OPN3: variants seen among roughly 807,000 people sequenced by gnomAD.
The protein encoded by OPN3 is opsin-3.
A neutral mutation model predicts 33.8 loss-of-function variants in OPN3; 29 were observed. The ratio of observed to expected loss-of-function variants is 0.86; its 90% CI spans 0.64 to 1.17. The LOEUF is 1.17. Among genes scored for constraint, OPN3 ranks in the 50% most tolerant of loss-of-function variants. The probability of loss-of-function intolerance (pLI) is 0.00; values close to 1 mark genes in which losing one functional copy is unlikely to be tolerated. For synonymous variants in OPN3, 216 were observed against 216.1 expected, an observed-to-expected ratio of 1.00 and a Z score of 0.00; for missense variants, 437 against 514.1, an observed-to-expected ratio of 0.85 and a Z score of 1.45.
chr1:241,635,116 A>G, intron 1 of OPN3: 1 of 1,612,840 alleles, frequency 6.2e-7, no homozygotes, highest in Non-Finnish European at 8.5e-7. Context: ...GAGAGTAAGT[A>G]ATCCTATTTC....
chr1:241,604,516 G>T lies in OPN3; in HGVS notation c.437C>A (p.Ala146Asp), dbSNP rs771114096. 6.2e-7 allele frequency: 1 copy of T among 1,614,112 alleles called. No individual in the cohort carries two copies. The highest frequency in any genetic ancestry group is 8.5e-7 in the Non-Finnish European group (1 of 1,180,018). ...GGCCCAGGAAAAATTGATCACTCTG[G>T]CATGGACCACGCGAATGTAACGTTC... ...AYERYIRVVH[A>D]RVINFSWAWR... Residue 146 changes from alanine (A) to aspartate (D), a missense_variant, in exon 2 of 4, where the codon GCC becomes GAC. Coordinates refer to ENST00000366554, the MANE Select transcript of OPN3 (RefSeq NM_014322.3).
chr1:241,602,758 C>T (rs1663709645), intron 2 of OPN3, among the ~76,000 whole-genome samples: 1 of 152,182 alleles, frequency 6.6e-6, no homozygotes, highest in Non-Finnish European at 1.5e-5. Flanking sequence ...ATGACCTCCT[C>T]TGACCCTAAT....
chr1:241,616,743 G>A (rs921044457), intron 1 of OPN3, among the ~76,000 whole-genome samples: 1 of 152,094 alleles, frequency 6.6e-6, no homozygotes, highest in African/African-American at 2.4e-5. Flanking sequence ...GTGAAATGTT[G>A]CTTAGAAATA....
intron 3 of OPN3, among the ~76,000 whole-genome samples, chr1:241,597,086 T>C (rs1280916736): frequency 6.6e-6 from 1 of 152,196 alleles, no homozygotes; most frequent in East Asian, 1.9e-4. Flanking sequence ...TGCCTCAGCA[T>C]GCCCAAGTGC....
chr1:241,595,393 T>C (rs1488726280), intron 3 of OPN3: 2 of 152,248 alleles, frequency 1.3e-5, no homozygotes, highest in Non-Finnish European at 2.9e-5. Flanking sequence ...AATGACTGCA[T>C]AGGACAGATC....
chr1:241,624,491 C>T (rs1390800671), intron 1 of OPN3, among the ~76,000 whole-genome samples: 1 of 152,212 alleles, frequency 6.6e-6, no homozygotes, highest in Non-Finnish European at 1.5e-5. Context: ...ATTTCCCTAG[C>T]AGGACTACTC....
intron 1 of OPN3, among the ~76,000 whole-genome samples, chr1:241,638,109 G>A (rs1461689058): frequency 3.3e-5 from 5 of 152,104 alleles, no homozygotes; most frequent in Non-Finnish European, 7.4e-5. Context: ...CTTAAGTCTC[G>A]GAATCTCTTA....
At chr1:241,615,475 C>T (rs1383582353) in intron 1 of OPN3, among the ~76,000 whole-genome samples, 1 of 151,976 alleles carries the variant, frequency 6.6e-6, no homozygotes, top group Non-Finnish European at 1.5e-5. Context: ...CTTAGTTTTC[C>T]CATTCCTCTA....
chr1:241,622,097 C>T (rs1664282526), intron 1 of OPN3, among the ~76,000 whole-genome samples: 1 of 152,148 alleles, frequency 6.6e-6, no homozygotes, highest in South Asian at 2.1e-4. Context: ...TCATATCCTC[C>T]ACTTTTTGTG....
chr1:241,600,979 G>C (rs1558437575), intron 2 of OPN3: 1 of 152,100 alleles, frequency 6.6e-6, no homozygotes, highest in Non-Finnish European at 1.5e-5. Context: ...TGGTTCTGAG[G>C]GTGGGTTAGA....
chr1:241,604,611 T>C (rs1181195290), intron 1 of OPN3, 32 bp from the exon 2 acceptor site: 1 of 1,583,614 alleles, frequency 6.3e-7, no homozygotes, highest in South Asian at 1.2e-5. Context: ...AAGTATAGCA[T>C]GGTGCAGGGG....
intron 1 of OPN3, chr1:241,634,934 CAAGGAA>C (rs1360354466): frequency 5.0e-6 from 8 of 1,612,824 alleles, no homozygotes; most frequent in Non-Finnish European, 6.8e-6. Context: ...TGCTCTGGAA[CAAGGAA>C]CTTGTTCTAC....
intron 1 of OPN3, among the ~76,000 whole-genome samples, chr1:241,624,153 G>C (rs993775503): frequency 2.0e-5 from 3 of 151,100 alleles, no homozygotes; most frequent in Non-Finnish European, 4.4e-5. Context: ...CAGACACTGT[G>C]GACCCTCTTC....
intron 1 of OPN3, chr1:241,629,024 T>C (rs1236919869): frequency 6.6e-6 from 1 of 152,632 alleles, no homozygotes; most frequent in Non-Finnish European, 1.5e-5. Context: ...TATGTTCTTA[T>C]TAACATTTTT....
At chr1:241,611,001 A>ATTC (rs1313642266) in intron 1 of OPN3, among the ~76,000 whole-genome samples, 1 of 152,184 alleles carries the variant, frequency 6.6e-6, no homozygotes, top group Non-Finnish European at 1.5e-5. Context: ...TATTATTATT[A>ATTC]TTACTGAATA....
intron 2 of OPN3, among the ~76,000 whole-genome samples, chr1:241,602,823 C>T (rs555083189): frequency 1.4e-4 from 21 of 152,192 alleles, no homozygotes; most frequent in African/African-American, 4.1e-4. Flanking sequence ...AGAGATTCCA[C>T]GTAGGAATCT....
At chr1:241,634,329 G>A (rs1664781748) in intron 1 of OPN3, 2 of 1,613,862 alleles carry the variant, frequency 1.2e-6, no homozygotes, top group African/African-American at 2.7e-5. Context: ...TCTGCTGGAG[G>A]AACTATCAGA....
intron 1 of OPN3, among the ~76,000 whole-genome samples, chr1:241,621,617 G>A (rs1173310743): frequency 1.3e-5 from 2 of 152,044 alleles, no homozygotes; most frequent in African/African-American, 2.4e-5. Context: ...AACACAGCTG[G>A]GACAGGTGGG....
At chr1:241,613,195 C>G (rs1664041231) in intron 1 of OPN3, among the ~76,000 whole-genome samples, 1 of 152,198 alleles carries the variant, frequency 6.6e-6, no homozygotes, top group Admixed American at 6.5e-5. Flanking sequence ...CCCACTAACA[C>G]TTATAGAGAG....
Sources: allele counts gnomAD v4.1 joint callset (sites outside exome capture counted in the v4.1 genomes callset), GRCh38; gene constraint gnomAD v4.1.1; transcripts MANE v1.5; gene names NCBI Gene and HGNC (gene_info 2026-07-23, HGNC 2026-07-21).